The following PCDH19 variants were observed in gnomAD, a reference collection of about 807,000 sequenced individuals.
PCDH19 encodes protocadherin 19.
A neutral mutation model predicts 46.2 loss-of-function variants in PCDH19; 6 were observed. The ratio of observed to expected loss-of-function variants is 0.13; its 90% CI spans 0.07 to 0.26. PCDH19 has a LOEUF of 0.26. PCDH19 is among the 10% of genes least tolerant of loss of function. The pLI is 1.00. For synonymous variants in PCDH19, 481 were observed against 415.7 expected, an observed-to-expected ratio of 1.16 and a Z score of -1.91; for missense variants, 740 against 972.3, an observed-to-expected ratio of 0.76 and a Z score of 3.18.
At chrX:100,385,102 T>C (rs1030661072) in intron 3 of PCDH19, among the ~76,000 whole-genome samples, 17 of 100,581 alleles carry the variant, frequency 1.7e-4, no homozygotes, top group African/African-American at 6.4e-4. Context: ...GAGGTTGCAG[T>C]GAATGGAGAT....
Position 100,408,295 on chromosome X carries a change from G to A in PCDH19, c.303C>T (p.Ile101=), listed in dbSNP as rs1220955259. The part of the protein sequence containing the change: ...LLCRQSPKCI[I]SLEVMSSSME... ...TTGAGCTGGACATGACCTCGAGCGA[G>A]ATGATGCACTTGGGGCTCTGGCGGC... The change falls in exon 1 of 6, where the codon ATC becomes ATT. Residue 101 remains isoleucine (I), a synonymous_variant. Coordinates refer to ENST00000373034, the MANE Select transcript of PCDH19 (RefSeq NM_001184880.2). 3 of 1,211,855 alleles carry A rather than the reference G, an allele frequency of 2.5e-6. No homozygotes were observed.
At chrX:100,302,636 G>C (rs981829654) in intron 5 of PCDH19, among the ~76,000 whole-genome samples, 1 of 111,750 alleles carries the variant, frequency 8.9e-6, no homozygotes, top group Non-Finnish European at 1.9e-5. Flanking sequence ...TTATCCACAG[G>C]TTCCACCAGA....
chrX:100,316,619 C>A (rs1327077984), intron 5 of PCDH19, among the ~76,000 whole-genome samples: 1 of 112,109 alleles, frequency 8.9e-6, no homozygotes, highest in African/African-American at 3.2e-5. Context: ...AGGGCCAACA[C>A]TGTACATAAT....
chrX:100,333,148 A>G (rs1430458162), intron 5 of PCDH19, among the ~76,000 whole-genome samples: 5 of 51,218 alleles, frequency 9.8e-5, no homozygotes, highest in East Asian at 5.4e-4. Context: ...GAAGGAAGGA[A>G]GGAAGGAAGG....
intron 3 of PCDH19, among the ~76,000 whole-genome samples, chrX:100,378,975 G>C (rs1927463714): frequency 9.0e-6 from 1 of 111,473 alleles, no homozygotes; most frequent in African/African-American, 3.3e-5. Context: ...TCTGCAGCCA[G>C]AGATGTGGGA....
Position 100,338,182 on chromosome X carries a change from A to T in PCDH19, c.2848+3721T>A, listed in dbSNP as rs111649075. On this transcript the variant is annotated intron_variant, in intron 5 of 5. Coordinates refer to ENST00000373034, the MANE Select transcript of PCDH19 (RefSeq NM_001184880.2). ...ATGGTGAAACCCCGTCTCTACTAAA[A>T]ATACAAAAAATTAGCGGGGCGTAGT... Among the ~76,000 whole-genome samples the T allele has an allele frequency of 6.6e-3, 720 of 108,812 alleles. 4 individuals are homozygous for T. Among genetic ancestry groups the T allele is most frequent in the African/African-American group, 0.023 (672 of 29,853 alleles). 94.5% of individuals were successfully genotyped at this position (108,812 alleles called of 115,157 possible). A position where few individuals can be genotyped will look rare whatever the true frequency, so the allele number is the denominator to read the frequency against.
chrX:100,291,900 G>C lies in PCDH19; in HGVS notation c.*4377C>G, dbSNP rs1355013717. ...GAAAATGTACATAACATACAGATCA[G>C]CATATACAACAATTTTATCTTCATA... is the stretch of plus-strand genomic sequence containing the variant. On this transcript the variant is annotated 3_prime_UTR_variant, in exon 6 of 6. Transcript: ENST00000373034. 8.9e-6 allele frequency: 1 copy of C among 112,570 alleles called. No homozygotes were observed. The highest frequency in any genetic ancestry group is 3.2e-5 in the African/African-American group (1 of 30,890). 9.3% of individuals were successfully genotyped at this position (112,570 alleles called of 1,213,427 possible).
chrX:100,297,707 A>C (rs186462966), intron 5 of PCDH19, among the ~76,000 whole-genome samples: 116 of 111,794 alleles, frequency 1.0e-3, no homozygotes, highest in African/African-American at 3.7e-3. Context: ...TACAATTCAT[A>C]ATTATTGGGC....
At chrX:100,346,614 C>T (rs2147489089) in intron 4 of PCDH19, among the ~76,000 whole-genome samples, 1 of 112,131 alleles carries the variant, frequency 8.9e-6, no homozygotes, top group Admixed American at 9.5e-5. Flanking sequence ...CCATTTCTCT[C>T]ATGCATTCAT....
chrX:100,321,875 C>T (rs1480968030), intron 5 of PCDH19, among the ~76,000 whole-genome samples: 3 of 103,353 alleles, frequency 2.9e-5, no homozygotes, highest in African/African-American at 7.1e-5. Context: ...CTGCAAGCTC[C>T]GCCTCCCGGG....
intron 3 of PCDH19, among the ~76,000 whole-genome samples, chrX:100,355,561 G>GA (rs918727388): frequency 5.4e-5 from 6 of 111,160 alleles, no homozygotes; most frequent in African/African-American, 1.3e-4. Context: ...TTTGTGTCTA[G>GA]AAAAAAAAGA....
intron 3 of PCDH19, among the ~76,000 whole-genome samples, chrX:100,396,530 A>AT (rs1262690598): frequency 1.8e-5 from 2 of 112,168 alleles, no homozygotes; most frequent in African/African-American, 3.2e-5. Context: ...TCTCAGGATG[A>AT]TTAGCAAGAG....
Position 100,408,027 on chromosome X carries a change from C to G in PCDH19, c.571G>C (p.Val191Leu), listed in dbSNP as rs753757730. 8.3e-6 allele frequency: 10 copies of G among 1,207,445 alleles called. No homozygotes were observed. Among genetic ancestry groups the G allele is most frequent in the African/African-American group, 3.5e-5 (2 of 57,640 alleles). ...TCGCGGTCCAGGCTCTTTTCCACCA[C>G]GAGTTCGGCAAAGCGGGAGCCGTCG... ...RGDGSRFAEL[V>L]VEKSLDRETQ... The change falls in exon 1 of 6, where the codon GTG (valine) becomes CTG (leucine). Residue 191 changes from valine to leucine, a missense_variant. By Grantham distance (32) the Val-to-Leu change is conservative (BLOSUM62 1). Around this residue, in one of 5 missense-constraint regions of PCDH19, gnomAD observed 48 missense variants for 43.2 expected, o/e 1.11. Coordinates refer to ENST00000373034, the MANE Select transcript of PCDH19 (RefSeq NM_001184880.2).
At chrX:100,345,784 T>G (rs1396026712) in intron 4 of PCDH19, among the ~76,000 whole-genome samples, 5 of 111,917 alleles carry the variant, frequency 4.5e-5, no homozygotes, top group Non-Finnish European at 9.4e-5. Context: ...AATAGTTAAC[T>G]CATTTAAAGA....
intron 4 of PCDH19, among the ~76,000 whole-genome samples, chrX:100,344,529 G>A (rs1263295160): frequency 1.8e-5 from 2 of 109,054 alleles, no homozygotes; most frequent in African/African-American, 6.7e-5. Flanking sequence ...GACCTGCCTG[G>A]ATGATATTCA....
chrX:100,361,259 G>A (rs980767853), intron 3 of PCDH19, among the ~76,000 whole-genome samples: 1 of 111,817 alleles, frequency 8.9e-6, no homozygotes, highest in Non-Finnish European at 1.9e-5. Flanking sequence ...TTATAAAAAG[G>A]GTTCATTCCC....
At chrX:100,356,758 T>TTCTATC (rs1555979380) in intron 3 of PCDH19, among the ~76,000 whole-genome samples, 2 of 102,980 alleles carry the variant, frequency 1.9e-5, no homozygotes, top group African/African-American at 7.1e-5. Flanking sequence ...CCCTAATTCA[T>TTCTATC]TCTCTCTCTC....
At chrX:100,355,635 T>C (rs1387645947) in intron 3 of PCDH19, among the ~76,000 whole-genome samples, 3 of 111,750 alleles carry the variant, frequency 2.7e-5, no homozygotes, top group Non-Finnish European at 5.6e-5. Flanking sequence ...ACATGATCTT[T>C]AATATAGGGA....
intron 5 of PCDH19, among the ~76,000 whole-genome samples, chrX:100,337,290 G>A (rs1329111109): frequency 9.0e-6 from 1 of 111,566 alleles, no homozygotes; most frequent in Non-Finnish European, 1.9e-5. Flanking sequence ...GCACCAAATT[G>A]CCTCAAGAAC....
Sources: allele counts gnomAD v4.1 joint callset (sites outside exome capture counted in the v4.1 genomes callset), GRCh38; gene constraint gnomAD v4.1.1; regional missense constraint gnomAD v4.1.1; transcripts MANE v1.5; gene names NCBI Gene and HGNC (gene_info 2026-07-23, HGNC 2026-07-21).